Variants in SOHLH2 observed in about 807,000 individuals in gnomAD.
SOHLH2 encodes spermatogenesis- and oogenesis-specific basic helix-loop-helix-containing protein 2.
In SOHLH2, 22 loss-of-function variants were observed where a neutral mutation model predicts 50.4. That is an observed-to-expected ratio of 0.44 (90% CI 0.31 to 0.62). The LOEUF (loss-of-function observed/expected upper bound fraction) is 0.62. Ranked by LOEUF, SOHLH2 falls within the 20% of genes least tolerant of loss-of-function variation. The pLI is 0.08. For synonymous variants in SOHLH2, 185 were observed against 187.3 expected, an observed-to-expected ratio of 0.99 and a Z score of 0.10; for missense variants, 412 against 504.4, an observed-to-expected ratio of 0.82 and a Z score of 1.76.
chr13:36,214,390 G>A, intron 1 of SOHLH2, 89 bp downstream of exon 1: 3 of 1,479,642 alleles, frequency 2.0e-6, no homozygotes, highest in South Asian at 1.2e-5. Context: ...AGCTCCCCAG[G>A]CCGGGCTTTG....
intron 6 of SOHLH2, among the ~76,000 whole-genome samples, chr13:36,189,238 G>C (rs1014094788): frequency 6.6e-6 from 1 of 152,078 alleles, no homozygotes; most frequent in South Asian, 2.1e-4. Flanking sequence ...CATCCTATTA[G>C]AGTGTTCATT....
intron 1 of SOHLH2, among the ~76,000 whole-genome samples, chr13:36,203,823 T>G (rs946169414): frequency 2.0e-5 from 3 of 152,202 alleles, no homozygotes; most frequent in African/African-American, 7.2e-5. Flanking sequence ...CATGCCCATT[T>G]ACTCCCTTTG....
chr13:36,199,028 AG>A (rs1887817316), intron 2 of SOHLH2, among the ~76,000 whole-genome samples: 1 of 152,230 alleles, frequency 6.6e-6, no homozygotes, highest in South Asian at 2.1e-4. Context: ...GCAGAAGAAA[AG>A]TAGAGCCAGG....
At chr13:36,184,660 G>A (rs374307412) in intron 6 of SOHLH2, among the ~76,000 whole-genome samples, 11 of 152,032 alleles carry the variant, frequency 7.2e-5, no homozygotes, top group African/African-American at 2.2e-4. Flanking sequence ...GGGTTTCACC[G>A]TGTTAGCTAG....
chr13:36,190,946 A>G (rs1000276524), intron 5 of SOHLH2, among the ~76,000 whole-genome samples: 2 of 152,196 alleles, frequency 1.3e-5, no homozygotes, highest in African/African-American at 4.8e-5. Flanking sequence ...CTTGTTCAAA[A>G]CAGTAGATGG....
chr13:36,171,186 A>G (rs1593932466), intron 9 of SOHLH2, among the ~76,000 whole-genome samples: 1 of 152,312 alleles, frequency 6.6e-6, no homozygotes, highest in East Asian at 1.9e-4. Context: ...AAAAAAATTG[A>G]ATATATAATA....
Position 36,168,864 on chromosome 13 carries a change from T to C in SOHLH2, c.*170A>G. On this transcript the variant is annotated 3_prime_UTR_variant, in exon 11 of 11. Transcript: ENST00000379881. Reference sequence around the variant, plus strand: ...GTGGCCAGCTTTTTCGCTGCTGGTCTTTCTATCTGCAGAAGCTTTGAGTGC... The same window carrying C: ...GTGGCCAGCTTTTTCGCTGCTGGTCCTTCTATCTGCAGAAGCTTTGAGTGC... 1 of 1,180,646 alleles carries C rather than the reference T, an allele frequency of 8.5e-7. No homozygotes were observed. The highest frequency in any genetic ancestry group is 1.6e-5 in the African/African-American group (1 of 63,586). The allele number at this position is 1,180,646 out of a possible 1,614,324, so 73.1% of individuals were successfully genotyped here.
rs751970867 is a variant in SOHLH2 at position 36,170,658 on chromosome 13, G to A, written c.1130C>T (p.Ala377Val). The change falls in exon 10 of 11, where the codon GCA (alanine) becomes GTA (valine). Residue 377 changes from alanine to valine, a missense_variant. Transcript: ENST00000379881. ...AATGTTCTGATTTGTTACAGCAGTT[G>A]CATCGTAGGAAGGGGTGACTTTAGA... ...YYSKVTPSYD[A>V]TAVTNQNISI... 1.9e-6 allele frequency: 3 copies of A among 1,614,054 alleles called. No individual in the cohort carries two copies. In the African/African-American group the frequency reaches 4.0e-5, roughly 22 times the overall value.
intron 6 of SOHLH2, among the ~76,000 whole-genome samples, chr13:36,179,206 A>G (rs1381579631): frequency 6.6e-6 from 1 of 152,222 alleles, no homozygotes; most frequent in Non-Finnish European, 1.5e-5. Flanking sequence ...GGAGCAGTCA[A>G]CATGTTATCA....
At chr13:36,174,909 C>T (rs545023721) in intron 6 of SOHLH2, 40 bp from the exon 7 acceptor site, 2 of 1,531,538 alleles carry the variant, frequency 1.3e-6, no homozygotes, top group Admixed American at 2.3e-5. Flanking sequence ...TAATTAGTCT[C>T]ATTGTCTTCA....
chr13:36,196,157 G>T (rs1428854484), intron 2 of SOHLH2, among the ~76,000 whole-genome samples: 1 of 138,036 alleles, frequency 7.2e-6, no homozygotes, highest in African/African-American at 2.7e-5. Context: ...ACAAGGTCTT[G>T]CTTTGTCACT....
chr13:36,199,311 T>TCACA (rs3838357), intron 2 of SOHLH2, among the ~76,000 whole-genome samples: 8 of 149,114 alleles, frequency 5.4e-5, no homozygotes, highest in Admixed American at 4.0e-4. Flanking sequence ...TTACACACCC[T>TCACA]CACACACACA....
At chr13:36,206,250 C>T (rs181405662) in intron 1 of SOHLH2, among the ~76,000 whole-genome samples, 69 of 152,076 alleles carry the variant, frequency 4.5e-4, no homozygotes, top group African/African-American at 1.6e-3. Context: ...GGTATAATTA[C>T]ACAACATTTT....
At chr13:36,201,048 C>CAAAAAAAAAAAAAAAAAAAA (rs10660002) in intron 2 of SOHLH2, among the ~76,000 whole-genome samples, 1 of 55,960 alleles carries the variant, frequency 1.8e-5, no homozygotes, top group African/African-American at 7.5e-5. Flanking sequence ...GACTCTGCCT[C>CAAAAAAAAAAAAAAAAAAAA]AAAAAAAAAA....
At chr13:36,187,519 C>T (rs1374713269) in intron 6 of SOHLH2, among the ~76,000 whole-genome samples, 1 of 152,108 alleles carries the variant, frequency 6.6e-6, no homozygotes, top group Non-Finnish European at 1.5e-5. Context: ...TAAGTCTTGA[C>T]CTAGCAAGGC....
intron 2 of SOHLH2, among the ~76,000 whole-genome samples, chr13:36,198,869 A>G (rs1236671581): frequency 6.6e-6 from 1 of 152,202 alleles, no homozygotes; most frequent in Non-Finnish European, 1.5e-5. Context: ...CTTTCATTCT[A>G]TCATCAATTC....
At chr13:36,208,731 G>A (rs966156324) in intron 1 of SOHLH2, among the ~76,000 whole-genome samples, 9 of 151,946 alleles carry the variant, frequency 5.9e-5, no homozygotes, top group Admixed American at 3.9e-4. Context: ...CTGAATTGCC[G>A]TACAGGCTCA....
At position 36,168,859 on chromosome 13, in the gene SOHLH2, T is replaced by C. The variant is rs375214674; in HGVS notation, c.*175A>G. 1.8e-6 allele frequency: 2 copies of C among 1,123,332 alleles called. No homozygotes were observed. Among genetic ancestry groups the C allele is most frequent in the East Asian group, 2.9e-5 (1 of 34,262 alleles). The allele number at this position is 1,123,332 out of a possible 1,614,324, so 69.6% of individuals were successfully genotyped here. On this transcript the variant is annotated 3_prime_UTR_variant, in exon 11 of 11. Transcript: ENST00000379881. ...AGTGTGTGGCCAGCTTTTTCGCTGC[T>C]GGTCTTTCTATCTGCAGAAGCTTTG...
intron 10 of SOHLH2, among the ~76,000 whole-genome samples, chr13:36,169,510 A>G (rs899734434): frequency 2.6e-5 from 4 of 152,186 alleles, no homozygotes; most frequent in Non-Finnish European, 5.9e-5. Context: ...CCGTCAAAGG[A>G]TCACTTCAGG....
Sources: gnomAD v4.1 joint callset for allele counts (sites outside exome capture counted in the v4.1 genomes callset) on GRCh38, gnomAD v4.1.1 for gene constraint, MANE v1.5 for transcripts, NCBI Gene and HGNC (gene_info 2026-07-23, HGNC 2026-07-21) for gene names.